Variants in PCDHA4 observed in about 807,000 individuals in gnomAD.
PCDHA4 encodes the protein protocadherin alpha 4, also known as protocadherin alpha-4.
Under a neutral mutation model 61.4 loss-of-function variants are expected in PCDHA4, and 49 were observed. That is an observed-to-expected ratio of 0.80 (90% CI 0.63 to 1.01). The LOEUF (loss-of-function observed/expected upper bound fraction) is 1.01. Ranked by LOEUF, PCDHA4 falls within the 50% of genes least tolerant of loss-of-function variation. The pLI, the probability that PCDHA4 is intolerant of heterozygous loss-of-function variation, is 0.00. For synonymous variants in PCDHA4, 590 were observed against 550.3 expected, an observed-to-expected ratio of 1.07 and a Z score of -1.01; for missense variants, 1,254 against 1,235.8, an observed-to-expected ratio of 1.01 and a Z score of -0.22.
intron 1 of PCDHA4, chr5:140,829,830 T>G (rs1562311801): frequency 6.2e-7 from 1 of 1,613,772 alleles, no homozygotes; most frequent in East Asian, 2.2e-5. Context: ...GTGAGCGAGC[T>G]GGTGCCGCGG....
intron 1 of PCDHA4, among the ~76,000 whole-genome samples, chr5:140,891,044 C>G (rs1167178710): frequency 6.6e-6 from 1 of 152,030 alleles, no homozygotes; most frequent in Non-Finnish European, 1.5e-5. Flanking sequence ...GTGTGACCCC[C>G]ACAGCACATA....
intron 1 of PCDHA4, among the ~76,000 whole-genome samples, chr5:140,975,611 A>C (rs191363875): frequency 7.0e-4 from 106 of 152,356 alleles, no homozygotes; most frequent in African/African-American, 2.4e-3. Flanking sequence ...GATGTCTTCC[A>C]CATGGATTTC....
chr5:140,808,528 T>C lies in PCDHA4; in HGVS notation c.1341T>C (p.Asp447=), dbSNP rs1554124619. 4 of 1,614,032 alleles carry C rather than the reference T, an allele frequency of 2.5e-6. No individual in the cohort carries two copies. In the Admixed American group the frequency reaches 6.7e-5, roughly 27 times the overall value. ...CCAGTGTTTCTGTGGAGGTGGCTGA[T>C]GTGAACGACAACGCTCCGGCGTTCG... ...ATASVSVEVA[D]VNDNAPAFAQ... Residue 447 remains aspartate (D), a synonymous_variant, in exon 1 of 4, where the codon GAT becomes GAC. Coordinates refer to ENST00000530339, the MANE Select transcript of PCDHA4 (RefSeq NM_018907.4).
intron 1 of PCDHA4, chr5:140,857,003 G>C: frequency 6.3e-7 from 1 of 1,595,436 alleles, no homozygotes; most frequent in Non-Finnish European, 8.6e-7. Context: ...TGAAATTCAT[G>C]TAGATGTTAC....
intron 1 of PCDHA4, chr5:140,966,728 TCCG>T (rs1554228593): frequency 2.8e-6 from 4 of 1,404,870 alleles, no homozygotes; most frequent in Non-Finnish European, 3.7e-6. Flanking sequence ...AGCTGCCGCC[TCCG>T]GCCCTGCCCG....
intron 1 of PCDHA4, among the ~76,000 whole-genome samples, chr5:140,904,096 T>C (rs2153483454): frequency 6.6e-6 from 1 of 152,312 alleles, no homozygotes; most frequent in Admixed American, 6.5e-5. Flanking sequence ...AATAACTACT[T>C]TAGTGGTCAT....
intron 3 of PCDHA4, among the ~76,000 whole-genome samples, chr5:140,987,740 A>G (rs1454887233): frequency 6.6e-6 from 1 of 152,078 alleles, no homozygotes; most frequent in Admixed American, 6.5e-5. Flanking sequence ...CAAAATTTAG[A>G]CCCAGGTTGT....
chr5:140,876,301 A>G (rs2056269338), intron 1 of PCDHA4: 2 of 1,614,076 alleles, frequency 1.2e-6, no homozygotes, highest in East Asian at 4.5e-5. Flanking sequence ...TAATGGAGAA[A>G]TTTCCTATGG....
intron 1 of PCDHA4, chr5:140,882,537 TCGACCGCGAGGAGCTGTGTGGGC>T (rs1554174449): frequency 1.2e-6 from 2 of 1,614,058 alleles, no homozygotes; most frequent in African/African-American, 2.7e-5. Flanking sequence ...AATTCTCGGA[TCGACCGCGAGGAGCTGTGTGGGC>T]GGAGCGCGGA....
chr5:140,889,029 G>A (rs540289378), intron 1 of PCDHA4, among the ~76,000 whole-genome samples: 8 of 151,946 alleles, frequency 5.3e-5, no homozygotes, highest in African/African-American at 1.2e-4. Flanking sequence ...TTGGATAACC[G>A]TAATTTGATT....
rs1252148937 is a variant in PCDHA4 at position 141,009,582 on chromosome 5, G to T, written c.2534-45G>T. On this transcript the variant is annotated intron_variant, in intron 3 of 3. Coordinates refer to ENST00000530339, the MANE Select transcript of PCDHA4 (RefSeq NM_018907.4). ...CTCTACCAGCAGTGTGGCATCAAGA[G>T]CATGTGTTGACCCTGTTAATGATTT... 16 of 1,590,108 alleles carry T rather than the reference G, an allele frequency of 1.0e-5. No homozygotes were observed. In the African/African-American group the frequency reaches 2.0e-4, roughly 20 times the overall value.
chr5:140,926,919 A>C (rs782148872), intron 1 of PCDHA4: 2 of 1,566,668 alleles, frequency 1.3e-6, no homozygotes, highest in South Asian at 2.4e-5. Flanking sequence ...TGGCAGTTTT[A>C]TGTTTGTGGG....
At chr5:140,828,983 A>T in intron 1 of PCDHA4, 1 of 1,614,204 alleles carries the variant, frequency 6.2e-7, no homozygotes, top group Non-Finnish European at 8.5e-7. Context: ...CATAGATCGA[A>T]ATACGGGAGA....
chr5:140,832,759 G>A (rs1485511269), intron 1 of PCDHA4, among the ~76,000 whole-genome samples: 1 of 152,158 alleles, frequency 6.6e-6, no homozygotes, highest in Non-Finnish European at 1.5e-5. Flanking sequence ...GTAAAAGCAA[G>A]AATATTGTAA....
intron 1 of PCDHA4, chr5:140,877,591 G>GT: frequency 6.2e-7 from 1 of 1,613,852 alleles, no homozygotes; most frequent in Non-Finnish European, 8.5e-7. Context: ...CATCTGTGCG[G>GT]TGTCCAGCCT....
chr5:140,851,595 G>A (rs1470017891), intron 1 of PCDHA4: 19 of 919,212 alleles, frequency 2.1e-5, no homozygotes, highest in Non-Finnish European at 2.5e-5. Flanking sequence ...TTGAAATTCA[G>A]TTTACAGAAA....
At chr5:140,891,174 T>C (rs147745090) in intron 1 of PCDHA4, among the ~76,000 whole-genome samples, 2,208 of 152,320 alleles carry the variant, frequency 0.014, 24 homozygotes, top group Non-Finnish European at 0.022. Flanking sequence ...TTTTCAGATT[T>C]TCTGTGTGTC....
intron 1 of PCDHA4, among the ~76,000 whole-genome samples, chr5:140,894,090 C>T (rs1554185919): frequency 6.6e-6 from 1 of 152,154 alleles, no homozygotes; most frequent in African/African-American, 2.4e-5. Flanking sequence ...CCAGTATCTT[C>T]TAGCTCCTGG....
At chr5:140,873,791 G>A (rs1330097708) in intron 1 of PCDHA4, among the ~76,000 whole-genome samples, 1 of 152,152 alleles carries the variant, frequency 6.6e-6, no homozygotes, top group Non-Finnish European at 1.5e-5. Flanking sequence ...TTTCCGAGAA[G>A]CTGGGACTAC....
Sources: gnomAD v4.1 joint callset for allele counts (sites outside exome capture counted in the v4.1 genomes callset) on GRCh38, gnomAD v4.1.1 for gene constraint, MANE v1.5 for transcripts, NCBI Gene and HGNC (gene_info 2026-07-23, HGNC 2026-07-21) for gene names.